Variants in JAKMIP1 observed in about 807,000 individuals in gnomAD.
JAKMIP1 encodes the protein janus kinase and microtubule-interacting protein 1.
A neutral mutation model predicts 113.0 loss-of-function variants in JAKMIP1; 33 were observed. The ratio of observed to expected loss-of-function variants is 0.29; its 90% CI spans 0.22 to 0.39. The LOEUF (loss-of-function observed/expected upper bound fraction) is 0.39, where lower values mean the gene tolerates loss of function less well. JAKMIP1 is among the 10% of genes least tolerant of loss of function. The pLI, the probability that JAKMIP1 is intolerant of heterozygous loss-of-function variation, is 1.00. For missense variants in JAKMIP1, 813 were observed against 1,080.5 expected, an observed-to-expected ratio of 0.75 and a Z score of 3.47; for synonymous variants, 480 against 459.9, an observed-to-expected ratio of 1.04 and a Z score of -0.56.
At chr4:6,096,816 T>C (rs1483706708) in intron 3 of JAKMIP1, among the ~76,000 whole-genome samples, 1 of 152,210 alleles carries the variant, frequency 6.6e-6, no homozygotes. Context: ...AAACATGAAA[T>C]CCATTTATGT....
Position 6,081,632 on chromosome 4 carries a change from G to A in JAKMIP1, c.1078C>T (p.Leu360Phe). 1.2e-6 allele frequency: 2 copies of A among 1,614,120 alleles called. No homozygotes were observed. Among genetic ancestry groups the A allele is most frequent in the Non-Finnish European group, 1.7e-6 (2 of 1,180,012 alleles). The change falls in exon 6 of 21, where the codon CTC (leucine) becomes TTC (phenylalanine). Residue 360 changes from leucine to phenylalanine, a missense_variant. Physicochemically the swap from Leu to Phe is conservative, Grantham distance 22. Coordinates refer to ENST00000409021, the MANE Select transcript of JAKMIP1 (RefSeq NM_001099433.2). The surrounding 1 kb of genome is among the most constrained non-coding windows in gnomAD (Gnocchi z 4.6). ...IQRMEEKIKN[L>F]TRENVEMKEK... ...ACCATTTCCACGTTTTCCCGCGTGA[G>A]GTTCTTGATTTTCTCCTCCATCCTC...
Position 6,085,638 on chromosome 4 carries a change from G to A in JAKMIP1, c.625-9C>T, listed in dbSNP as rs367718704. 135 of 1,613,156 alleles carry A rather than the reference G, an allele frequency of 8.4e-5. No individual in the cohort carries two copies. The highest frequency in any genetic ancestry group is 1.1e-4 in the Non-Finnish European group (130 of 1,179,740). ...CCTTTGATCTCATCCATCTGAAAAG[G>A]AGAAAGAATAAGCAGTCAGCCCTAG... On this transcript the variant is annotated splice_polypyrimidine_tract_variant and intron_variant, in intron 3 of 20. Transcript: ENST00000409021.
Position 6,031,814 on chromosome 4 carries a change from T to A in JAKMIP1, c.2380-2033A>T, listed in dbSNP as rs1029734437. Among the ~76,000 whole-genome samples the A allele has an allele frequency of 1.6e-4, 25 of 152,250 alleles. No individual in the cohort carries two copies. Among genetic ancestry groups the A allele is most frequent in the African/African-American group, 5.8e-4 (24 of 41,476 alleles). ...GTTATTCTGCCTCCCTGAGGCTTGG[T>A]GTCCTTATCTATAGATGGGTGCTGC... On this transcript the variant is annotated intron_variant, in intron 19 of 20. Transcript: ENST00000409021. This position sits in a 1 kb window ranked among gnomAD's most constrained non-coding sequence, Gnocchi z 4.4.
At chr4:6,125,608 CA>C (rs1717322318) in intron 1 of JAKMIP1, among the ~76,000 whole-genome samples, 3 of 147,842 alleles carry the variant, frequency 2.0e-5, no homozygotes, top group African/African-American at 7.6e-5. Flanking sequence ...AACACACACA[CA>C]CACACACCAT....
chr4:6,152,535 G>T (rs1437209626), intron 1 of JAKMIP1, among the ~76,000 whole-genome samples: 1 of 152,160 alleles, frequency 6.6e-6, no homozygotes, highest in African/African-American at 2.4e-5. Flanking sequence ...CTCTGATCCT[G>T]ATGCCGGGGA....
rs1722405221 is a variant in JAKMIP1, at chr4:6,157,594, C to A, written c.-148+42659G>T. Reference sequence around the variant, plus strand: ...TGGCACAGACCATCACAACTCAGAACCGGGATCTCCGAGCTACAATCCCAC... The same window carrying A: ...TGGCACAGACCATCACAACTCAGAAACGGGATCTCCGAGCTACAATCCCAC... On this transcript the variant is annotated intron_variant, in intron 1 of 20. Coordinates refer to ENST00000409021, the MANE Select transcript of JAKMIP1 (RefSeq NM_001099433.2). The surrounding 1 kb of genome is among the most constrained non-coding windows in gnomAD (Gnocchi z 4.7). Among the ~76,000 whole-genome samples the A allele has an allele frequency of 1.3e-5, 2 of 152,176 alleles. No homozygotes were observed. Among genetic ancestry groups the A allele is most frequent in the African/African-American group, 2.4e-5 (1 of 41,448 alleles).
chr4:6,123,945 ATAGT>A (rs1717059087), intron 1 of JAKMIP1, among the ~76,000 whole-genome samples: 1 of 152,210 alleles, frequency 6.6e-6, no homozygotes, highest in Non-Finnish European at 1.5e-5. Context: ...CTGATGCAAA[ATAGT>A]TAGAGGGAGT....
chr4:6,146,974 G>T (rs1335286042), intron 1 of JAKMIP1, among the ~76,000 whole-genome samples: 3 of 151,902 alleles, frequency 2.0e-5, no homozygotes, highest in Non-Finnish European at 2.9e-5. Flanking sequence ...TTTGTTTTTG[G>T]GGGGATGGAG....
At chr4:6,109,189 G>A (rs1184434593) in intron 2 of JAKMIP1, among the ~76,000 whole-genome samples, 1 of 138,424 alleles carries the variant, frequency 7.2e-6, no homozygotes, top group African/African-American at 2.7e-5. Context: ...CTGGAGTGCA[G>A]TGGCACGATC....
At position 6,105,859 on chromosome 4, in the gene JAKMIP1, TCTC is replaced by T; in HGVS notation, c.235_237del (p.Glu79del). On this transcript the variant is annotated inframe_deletion, in exon 3 of 21. Transcript: ENST00000409021. ...CGCAGCGCCTGCAGCTCCTTGGTCTTCTCCTCATGCAGCTTGGCCTTGAGCTCC... is the reference window on the plus strand; with the variant it reads ...CGCAGCGCCTGCAGCTCCTTGGTCTTCTCATGCAGCTTGGCCTTGAGCTCC... The T allele has an allele frequency of 6.2e-7, 1 of 1,612,040 alleles. No individual in the cohort carries two copies. Among genetic ancestry groups the T allele is most frequent in the Non-Finnish European group, 8.5e-7 (1 of 1,179,848 alleles).
intron 9 of JAKMIP1, among the ~76,000 whole-genome samples, chr4:6,062,872 C>CTCTTTAGGATAA (rs1717509040): frequency 6.6e-6 from 1 of 152,270 alleles, no homozygotes; most frequent in Non-Finnish European, 1.5e-5. Flanking sequence ...GATGGCCGGG[C>CTCTTTAGGATAA]ATGGTGGCTC....
At position 6,183,009 on chromosome 4, in the gene JAKMIP1, C is replaced by T. The variant is rs1726220947; in HGVS notation, c.-148+17244G>A. On this transcript the variant is annotated intron_variant, in intron 1 of 20. Coordinates refer to ENST00000409021, the MANE Select transcript of JAKMIP1 (RefSeq NM_001099433.2). The surrounding 1 kb of genome is among the most constrained non-coding windows in gnomAD (Gnocchi z 5.3). The stretch of plus-strand genomic sequence containing the variant: ...CTTCCTCCCGCTCAGCTCAGCTCAG[C>T]TCAGCCAGTGATGGTCCTGGAGGCT... Among the ~76,000 whole-genome samples the T allele has an allele frequency of 1.3e-5, 2 of 152,226 alleles. No individual in the cohort carries two copies. Among genetic ancestry groups the T allele is most frequent in the Admixed American group, 6.5e-5 (1 of 15,288 alleles).
At chr4:6,109,424 C>A (rs1239243553) in intron 2 of JAKMIP1, among the ~76,000 whole-genome samples, 2 of 151,720 alleles carry the variant, frequency 1.3e-5, no homozygotes, top group African/African-American at 2.4e-5. Context: ...TGAGCCACTG[C>A]GGAGCCTGGG....
At position 6,153,565 on chromosome 4, in the gene JAKMIP1, C is replaced by T. The variant is rs1034503845; in HGVS notation, c.-147-40568G>A. ...TAGCTTTCCGGAGGTGTAATTTGCG[C>T]TGTAAGAGGGTGCACCTCAGACAGC... On this transcript the variant is annotated intron_variant, in intron 1 of 20. Transcript: ENST00000409021. The surrounding 1 kb of genome is among the most constrained non-coding windows in gnomAD (Gnocchi z 4.9). Among the ~76,000 whole-genome samples the T allele has an allele frequency of 6.6e-6, 1 of 152,222 alleles. No individual in the cohort carries two copies. Among genetic ancestry groups the T allele is most frequent in the Non-Finnish European group, 1.5e-5 (1 of 68,042 alleles).
At chr4:6,109,460 G>T (rs1714556728) in intron 2 of JAKMIP1, among the ~76,000 whole-genome samples, 1 of 151,826 alleles carries the variant, frequency 6.6e-6, no homozygotes, top group African/African-American at 2.4e-5. Context: ...AGAAAGTAAG[G>T]AAATGCTCCA....
At chr4:6,113,683 G>A (rs1185634095) in intron 1 of JAKMIP1, among the ~76,000 whole-genome samples, 3 of 152,242 alleles carry the variant, frequency 2.0e-5, no homozygotes, top group Non-Finnish European at 4.4e-5. Context: ...AGCCAGGACT[G>A]AGCCTAATCA....
chr4:6,070,299 C>G, intron 8 of JAKMIP1: 1 of 390,124 alleles, frequency 2.6e-6, no homozygotes, highest in East Asian at 3.6e-5. Context: ...CCCCTTTCCT[C>G]TAACACACCC....
intron 1 of JAKMIP1, among the ~76,000 whole-genome samples, chr4:6,152,122 A>G (rs1185759460): frequency 6.6e-6 from 1 of 151,464 alleles, no homozygotes; most frequent in African/African-American, 2.4e-5. Context: ...AGAGGAAGGA[A>G]GAGAGGGAGG....
At chr4:6,052,837 T>G (rs1311314386) in intron 13 of JAKMIP1, among the ~76,000 whole-genome samples, 1 of 152,090 alleles carries the variant, frequency 6.6e-6, no homozygotes, top group African/African-American at 2.4e-5. Flanking sequence ...CTCACATAAC[T>G]TCCAATTCTG....
Sources: allele counts gnomAD v4.1 joint callset (sites outside exome capture counted in the v4.1 genomes callset), GRCh38; gene constraint gnomAD v4.1.1; non-coding constraint Gnocchi (gnomAD v3.1); transcripts MANE v1.5; gene names NCBI Gene and HGNC (gene_info 2026-07-23, HGNC 2026-07-21).